WNK3: variants seen among roughly 807,000 people sequenced by gnomAD.
WNK3 encodes the protein WNK lysine deficient protein kinase 3.
WNK3 carries 18 observed loss-of-function variants against 116.7 expected under a neutral mutation model. The observed-to-expected ratio is 0.15, with a 90% CI of 0.11 to 0.23. The LOEUF is 0.23. Among genes scored for constraint, WNK3 ranks in the 10% least tolerant of loss-of-function variants. The probability of loss-of-function intolerance (pLI) is 1.00; values close to 1 mark genes in which losing one functional copy is unlikely to be tolerated. For synonymous variants in WNK3, 404 were observed against 469.4 expected, an observed-to-expected ratio of 0.86 and a Z score of 1.80; for missense variants, 993 against 1,323.8, an observed-to-expected ratio of 0.75 and a Z score of 3.88.
At chrX:54,242,573 G>A (rs2068033216) in intron 17 of WNK3, among the ~76,000 whole-genome samples, 1 of 112,376 alleles carries the variant, frequency 8.9e-6, no homozygotes. Flanking sequence ...CTGGCATAAG[G>A]ATAGATATTG....
At chrX:54,253,772 G>C (rs1232953129) in intron 13 of WNK3, among the ~76,000 whole-genome samples, 187 bp downstream of exon 13, 1 of 111,748 alleles carries the variant, frequency 8.9e-6, no homozygotes, top group Non-Finnish European at 1.9e-5. Context: ...ATATTTTCCA[G>C]TTAAATATAC....
intron 10 of WNK3, among the ~76,000 whole-genome samples, chrX:54,275,012 TAAA>T (rs142853353): frequency 2.6e-3 from 105 of 39,947 alleles, no homozygotes; most frequent in African/African-American, 6.8e-3. Flanking sequence ...CCCTGTCACA[TAAA>T]AAAAAAAAAA....
intron 2 of WNK3, among the ~76,000 whole-genome samples, chrX:54,312,277 G>C (rs2068895470): frequency 1.8e-5 from 2 of 110,805 alleles, no homozygotes; most frequent in East Asian, 5.7e-4. Context: ...AGTGAGCCAA[G>C]ATCATGCCAC....
chrX:54,270,695 C>T (rs1376809752), intron 10 of WNK3, among the ~76,000 whole-genome samples: 4 of 110,018 alleles, frequency 3.6e-5, no homozygotes, highest in African/African-American at 1.3e-4. Context: ...TTAAGCTCCG[C>T]ATGCATTAGG....
intron 10 of WNK3, among the ~76,000 whole-genome samples, chrX:54,268,122 ACAC>A (rs1231827277): frequency 9.4e-6 from 1 of 106,172 alleles, no homozygotes; most frequent in Non-Finnish European, 1.9e-5. Context: ...ACACACACAC[ACAC>A]ACTTCCTAGC....
At chrX:54,231,261 T>C (rs1391612066) in intron 21 of WNK3, among the ~76,000 whole-genome samples, 2 of 112,476 alleles carry the variant, frequency 1.8e-5, no homozygotes, top group Non-Finnish European at 3.8e-5. Flanking sequence ...CCCTTAATTC[T>C]GTCTTTACAA....
At chrX:54,294,655 C>G in exon 8 of WNK3, 1 of 1,208,970 alleles carries the variant, frequency 8.3e-7, no homozygotes, top group Non-Finnish European at 1.1e-6. Flanking sequence ...GTTTGCTGAG[C>G]GGGAGCAAGG....
At chrX:54,345,240 TCAACAACAACAACAA>T (rs78968161) in intron 1 of WNK3, among the ~76,000 whole-genome samples, 39 of 93,225 alleles carry the variant, frequency 4.2e-4, no homozygotes, top group Middle Eastern at 5.0e-3. Flanking sequence ...AGACTCTGTC[TCAACAACAACAACAA>T]CAACAACAAC....
rs782685356 is a variant in WNK3, at chrX:54,344,943, CA to C, written c.-119-11152del. The stretch of plus-strand genomic sequence containing the variant: ...TGGGCGACAGAGCGAGACTCCCTCT[CA>C]AAAAAAAAAAAAAAAAATTTTGAGG... On this transcript the variant is annotated intron_variant, in intron 1 of 23. Transcript: ENST00000354646. 3.3e-3 allele frequency among the ~76,000 whole-genome samples: 152 copies of C among 46,460 alleles called. 1 individual carries two copies. The highest frequency in any genetic ancestry group is 0.025 in the Middle Eastern group (1 of 40). The allele number at this position is 46,460 out of a possible 115,157, so 40.3% of individuals were successfully genotyped here.
chrX:54,258,400 G>A (rs1192230050), intron 11 of WNK3, among the ~76,000 whole-genome samples: 1 of 108,812 alleles, frequency 9.2e-6, no homozygotes, highest in East Asian at 2.9e-4. Flanking sequence ...GTGGTGCGAT[G>A]TCAGCTCACT....
At chrX:54,326,379 C>T (rs1323301651) in intron 2 of WNK3, among the ~76,000 whole-genome samples, 2 of 111,333 alleles carry the variant, frequency 1.8e-5, no homozygotes, top group Non-Finnish European at 3.8e-5. Flanking sequence ...CGTGAGCCAC[C>T]GCACCAGGCC....
At chrX:54,205,232 A>AAACC (rs781988632) in intron 22 of WNK3, among the ~76,000 whole-genome samples, 26 of 96,332 alleles carry the variant, frequency 2.7e-4, no homozygotes, top group South Asian at 9.1e-4. Flanking sequence ...ACACAAAACC[A>AAACC]AACCAACCAA....
chrX:54,283,613 C>T (rs1443833638), intron 10 of WNK3, among the ~76,000 whole-genome samples: 6 of 108,764 alleles, frequency 5.5e-5, no homozygotes, highest in African/African-American at 2.0e-4. Flanking sequence ...ACTAAAAATA[C>T]AAAAAATTAG....
intron 22 of WNK3, among the ~76,000 whole-genome samples, chrX:54,203,442 A>C (rs1026962035): frequency 6.2e-5 from 7 of 112,012 alleles, no homozygotes; most frequent in African/African-American, 1.6e-4. Context: ...AAGCATGTGA[A>C]GATGCCTTAT....
intron 15 of WNK3, among the ~76,000 whole-genome samples, chrX:54,250,497 G>T (rs1557153923): frequency 8.9e-6 from 1 of 111,825 alleles, no homozygotes; most frequent in East Asian, 2.8e-4. Context: ...AAAATTTACA[G>T]AAGTGTACAC....
intron 1 of WNK3, among the ~76,000 whole-genome samples, chrX:54,342,287 C>T (rs1022882727): frequency 9.3e-6 from 1 of 107,019 alleles, no homozygotes; most frequent in Non-Finnish European, 1.9e-5. Flanking sequence ...TTAAATATGG[C>T]TGGGCGTGGT....
At chrX:54,275,300 AGT>A (rs782239044) in intron 10 of WNK3, among the ~76,000 whole-genome samples, 1 of 110,407 alleles carries the variant, frequency 9.1e-6, no homozygotes, top group Non-Finnish European at 1.9e-5. Context: ...TGGGCGAGAG[AGT>A]GAGACTCCGG....
At chrX:54,314,994 A>G (rs2068935688) in intron 2 of WNK3, among the ~76,000 whole-genome samples, 1 of 110,500 alleles carries the variant, frequency 9.0e-6, no homozygotes, top group African/African-American at 3.3e-5. Flanking sequence ...TAGACAACAC[A>G]TGTAGAAGAC....
intron 15 of WNK3, 149 bp downstream of exon 15, chrX:54,251,250 C>T: frequency 4.4e-6 from 2 of 450,747 alleles, no homozygotes; most frequent in Non-Finnish European, 3.8e-6. Context: ...GGATTATTAC[C>T]TTTGGGCCTT....
Sources: gnomAD v4.1 joint callset for allele counts (sites outside exome capture counted in the v4.1 genomes callset) on GRCh38, gnomAD v4.1.1 for gene constraint, MANE v1.5 for transcripts, NCBI Gene and HGNC (gene_info 2026-07-23, HGNC 2026-07-21) for gene names.